The following SHANK2 variants were observed in gnomAD, a reference collection of about 807,000 sequenced individuals.
The protein encoded by SHANK2 is SH3 and multiple ankyrin repeat domains protein 2.
In SHANK2, 43 loss-of-function variants were observed where a neutral mutation model predicts 133.7. The observed-to-expected ratio is 0.32, with a 90% CI of 0.25 to 0.41. SHANK2 has a LOEUF of 0.41. Ranked by LOEUF, SHANK2 falls within the 10% of genes least tolerant of loss-of-function variation. The pLI, the probability that SHANK2 is intolerant of heterozygous loss-of-function variation, is 1.00. For missense variants in SHANK2, 1,994 were observed against 2,235.8 expected, an observed-to-expected ratio of 0.89 and a Z score of 2.18; for synonymous variants, 1,017 against 952.8, an observed-to-expected ratio of 1.07 and a Z score of -1.24.
chr11:70,730,175 C>T (rs1555031765), intron 14 of SHANK2, among the ~76,000 whole-genome samples: 1 of 151,770 alleles, frequency 6.6e-6, no homozygotes, highest in East Asian at 1.9e-4. Flanking sequence ...CTATTTGCAG[C>T]ATGAGGCCCC....
chr11:70,619,264 C>T (rs2136441590), intron 17 of SHANK2, among the ~76,000 whole-genome samples: 1 of 152,360 alleles, frequency 6.6e-6, no homozygotes, highest in South Asian at 2.1e-4. Context: ...AGAGGGCCAA[C>T]CCAGGGCTCA....
chr11:71,218,139 C>T (rs529093973), intron 2 of SHANK2, among the ~76,000 whole-genome samples: 8 of 152,090 alleles, frequency 5.3e-5, no homozygotes, highest in South Asian at 2.1e-4. Flanking sequence ...GCATTACAGG[C>T]ATGAGCCACC....
intron 2 of SHANK2, among the ~76,000 whole-genome samples, chr11:71,191,707 C>T (rs782176718): frequency 6.6e-6 from 1 of 151,734 alleles, no homozygotes; most frequent in Non-Finnish European, 1.5e-5. Context: ...TACAGACATG[C>T]ACCACTACGC....
At chr11:70,776,691 T>A (rs969177159) in intron 14 of SHANK2, among the ~76,000 whole-genome samples, 2 of 151,862 alleles carry the variant, frequency 1.3e-5, no homozygotes, top group Admixed American at 1.3e-4. Flanking sequence ...TAGTCACCCA[T>A]CCTCCCACCT....
chr11:70,779,720 G>A (rs1270315472), intron 14 of SHANK2, among the ~76,000 whole-genome samples: 1 of 152,152 alleles, frequency 6.6e-6, no homozygotes, highest in African/African-American at 2.4e-5. Context: ...GATCTTCAAG[G>A]AGCTGAGGCG....
At chr11:71,241,437 GACAA>G (rs1954890996) in intron 1 of SHANK2, among the ~76,000 whole-genome samples, 1 of 152,046 alleles carries the variant, frequency 6.6e-6, no homozygotes, top group Non-Finnish European at 1.5e-5. Context: ...GGCCCCATGG[GACAA>G]ACAAACACGT....
intron 4 of SHANK2, among the ~76,000 whole-genome samples, chr11:71,117,387 T>C: frequency 6.6e-6 from 1 of 152,284 alleles, no homozygotes; most frequent in African/African-American, 2.4e-5. Flanking sequence ...AAAAATTCCT[T>C]CTTTGTGCCT....
rs933067977 is a variant in SHANK2, at chr11:71,064,357, G to A, written c.1030-7799C>T. Among the ~76,000 whole-genome samples the A allele has an allele frequency of 4.5e-3, 691 of 152,312 alleles. 6 individuals are homozygous for A. Among genetic ancestry groups the A allele is most frequent in the African/African-American group, 0.015 (644 of 41,574 alleles). On this transcript the variant is annotated intron_variant, in intron 9 of 25. Transcript: ENST00000601538. ...GAGAGCCTGGGGACAGCTGGGCGGA[G>A]GCAGAGGCCACCCCAGCAGAGCACC...
intron 14 of SHANK2, among the ~76,000 whole-genome samples, chr11:70,774,527 C>G (rs1947321700): frequency 1.3e-5 from 2 of 152,094 alleles, no homozygotes; most frequent in Non-Finnish European, 2.9e-5. Context: ...ATCATGTTAG[C>G]CAGGCTGGTC....
rs1418302852 is a variant in SHANK2 at position 70,471,583 on chromosome 11, G to A, written c.*1286C>T. The stretch of plus-strand genomic sequence containing the variant: ...CCTCTGCTTTCACTCTGATCCTGCC[G>A]CCCACCTTCTGTTCTCAACCCTGGG... On this transcript the variant is annotated 3_prime_UTR_variant, in exon 26 of 26. Transcript: ENST00000601538. This position sits in a 1 kb window ranked among gnomAD's most constrained non-coding sequence, Gnocchi z 4.1. The A allele has an allele frequency of 1.0e-5, 4 of 395,362 alleles. No individual in the cohort carries two copies. Among genetic ancestry groups the A allele is most frequent in the Middle Eastern group, 6.4e-4 (1 of 1,572 alleles). 24.5% of individuals were successfully genotyped at this position (395,362 alleles called of 1,614,324 possible). A position where few individuals can be genotyped will look rare whatever the true frequency, so the allele number is the denominator to read the frequency against.
intron 17 of SHANK2, among the ~76,000 whole-genome samples, chr11:70,576,515 C>T (rs1385344759): frequency 3.3e-5 from 5 of 152,096 alleles, no homozygotes; most frequent in Admixed American, 6.5e-5. Context: ...TGGGTGCCTG[C>T]AGTCCCAGCT....
intron 2 of SHANK2, among the ~76,000 whole-genome samples, chr11:71,195,461 G>A (rs1953885450): frequency 6.6e-6 from 1 of 151,936 alleles, no homozygotes; most frequent in Admixed American, 6.6e-5. Context: ...AATGATTGAT[G>A]GAGACATGAA....
intron 17 of SHANK2, among the ~76,000 whole-genome samples, chr11:70,598,597 G>A (rs2060433186): frequency 6.6e-6 from 1 of 152,124 alleles, no homozygotes; most frequent in Admixed American, 6.5e-5. Context: ...GACTCCGGTT[G>A]GAAAAGAATG....
intron 8 of SHANK2, among the ~76,000 whole-genome samples, chr11:71,084,827 A>G (rs1379298495): frequency 1.3e-5 from 2 of 152,184 alleles, no homozygotes; most frequent in Admixed American, 6.5e-5. Context: ...TGGGCAAGTT[A>G]CCTGCCCTCT....
At chr11:70,792,811 C>A (rs1947823125) in intron 14 of SHANK2, among the ~76,000 whole-genome samples, 2 of 152,172 alleles carry the variant, frequency 1.3e-5, no homozygotes, top group Non-Finnish European at 2.9e-5. Context: ...AAGGGCCAGG[C>A]ATGGTGGCTC....
At position 71,115,851 on chromosome 11, in the gene SHANK2, T is replaced by A. The variant is rs542614716; in HGVS notation, c.412-2487A>T. 5.3e-5 allele frequency among the ~76,000 whole-genome samples: 8 copies of A among 152,294 alleles called. No homozygotes were observed. In the South Asian group the frequency reaches 1.7e-3, roughly 32 times the overall value. ...CTCTTCCTGGTCCATCACCTCCCACTGGAGTGTAAGGTCCGTGGGATCAGA... is the reference window on the plus strand; with the variant it reads ...CTCTTCCTGGTCCATCACCTCCCACAGGAGTGTAAGGTCCGTGGGATCAGA... On this transcript the variant is annotated intron_variant, in intron 4 of 25. Coordinates refer to ENST00000601538, the MANE Select transcript of SHANK2 (RefSeq NM_012309.5).
In SHANK2 at chr11:70,935,044, G is replaced by A. The variant is rs140354521; in HGVS notation, c.1108-38477C>T. Reference sequence around the variant, plus strand: ...TATGACAGGAGCCCTCCTTACCTGCGGTTTCAGTTACCTGCAGTCCAATGC... The same window carrying A: ...TATGACAGGAGCCCTCCTTACCTGCAGTTTCAGTTACCTGCAGTCCAATGC... On this transcript the variant is annotated intron_variant, in intron 10 of 25. Transcript: ENST00000601538. 4.0e-3 allele frequency among the ~76,000 whole-genome samples: 612 copies of A among 152,188 alleles called. 6 individuals are homozygous for A. Among genetic ancestry groups the A allele is most frequent in the African/African-American group, 0.014 (585 of 41,510 alleles).
chr11:70,854,396 G>A (rs1329446682), intron 11 of SHANK2, among the ~76,000 whole-genome samples: 1 of 152,150 alleles, frequency 6.6e-6, no homozygotes, highest in Non-Finnish European at 1.5e-5. Context: ...GGCTAGTGCT[G>A]TTACTAGCAC....
At chr11:71,105,713 C>G (rs1475941477) in intron 6 of SHANK2, among the ~76,000 whole-genome samples, 2 of 151,274 alleles carry the variant, frequency 1.3e-5, no homozygotes, top group Admixed American at 6.6e-5. Flanking sequence ...ACGGTGGATA[C>G]AGGACATCTG....
Sources: gnomAD v4.1 joint callset for allele counts (sites outside exome capture counted in the v4.1 genomes callset) on GRCh38, gnomAD v4.1.1 for gene constraint, Gnocchi (gnomAD v3.1) non-coding constraint, MANE v1.5 for transcripts, NCBI Gene and HGNC (gene_info 2026-07-23, HGNC 2026-07-21) for gene names.